CDH12: variants seen among roughly 807,000 people sequenced by gnomAD.
CDH12 encodes the protein cadherin-12.
A neutral mutation model predicts 74.1 loss-of-function variants in CDH12; 41 were observed. The observed-to-expected ratio is 0.55, with a 90% confidence interval of 0.43 to 0.72. The LOEUF (loss-of-function observed/expected upper bound fraction) is 0.72, where lower values mean the gene tolerates loss of function less well. Ranked by LOEUF, CDH12 falls within the 30% of genes least tolerant of loss-of-function variation. The pLI is 0.00. For synonymous variants in CDH12, 399 were observed against 355.0 expected, an observed-to-expected ratio of 1.12 and a Z score of -1.39; for missense variants, 945 against 977.2, an observed-to-expected ratio of 0.97 and a Z score of 0.44.
chr5:22,739,355 C>G (rs2127015325), intron 1 of CDH12, among the ~76,000 whole-genome samples: 1 of 151,758 alleles, frequency 6.6e-6, no homozygotes, highest in South Asian at 2.1e-4. Flanking sequence ...CTCTGACACT[C>G]ACAATACTAC....
chr5:21,824,142 G>A (rs1748527333), intron 8 of CDH12, among the ~76,000 whole-genome samples: 1 of 152,242 alleles, frequency 6.6e-6, no homozygotes, highest in Non-Finnish European at 1.5e-5. Flanking sequence ...ATTAGAGCCA[G>A]CAGCAGATGG....
chr5:22,381,789 G>A lies in CDH12; in HGVS notation c.-333+23468C>T, dbSNP rs144810284. Reference sequence around the variant, plus strand: ...TGAAAACTTATCCTTAAATATATCTGGTTTTCTCTACTAACAGACACCAAA... The same window carrying A: ...TGAAAACTTATCCTTAAATATATCTAGTTTTCTCTACTAACAGACACCAAA... On this transcript the variant is annotated intron_variant, in intron 3 of 14. Coordinates refer to ENST00000382254, the MANE Select transcript of CDH12 (RefSeq NM_004061.5). 2.6e-4 allele frequency among the ~76,000 whole-genome samples: 40 copies of A among 151,192 alleles called. No individual in the cohort carries two copies. The East Asian group carries it at 7.8e-3, about 29-fold the overall frequency.
intron 3 of CDH12, among the ~76,000 whole-genome samples, chr5:22,331,997 T>A (rs7712071): frequency 0.43 from 64,831 of 151,890 alleles, 13,820 homozygotes; most frequent in South Asian, 0.5. Flanking sequence ...AAAATGAAGC[T>A]TGCCTACAGG....
intron 1 of CDH12, among the ~76,000 whole-genome samples, chr5:22,737,578 AAATAT>A (rs988670967): frequency 6.6e-6 from 1 of 152,020 alleles, no homozygotes; most frequent in African/African-American, 2.4e-5. Flanking sequence ...TACTAACAAA[AAATAT>A]AATATAAATG....
At chr5:21,898,027 A>G (rs1753204747) in intron 6 of CDH12, among the ~76,000 whole-genome samples, 1 of 152,162 alleles carries the variant, frequency 6.6e-6, no homozygotes, top group South Asian at 2.1e-4. Flanking sequence ...TAAAGTCATC[A>G]TAAAATTGAC....
At chr5:22,692,594 G>A (rs1370283885) in intron 1 of CDH12, among the ~76,000 whole-genome samples, 1 of 152,106 alleles carries the variant, frequency 6.6e-6, no homozygotes, top group Non-Finnish European at 1.5e-5. Context: ...TCTTCCTTGG[G>A]CTACAAATGG....
At chr5:22,147,960 G>A (rs1451146528) in intron 4 of CDH12, among the ~76,000 whole-genome samples, 2 of 152,112 alleles carry the variant, frequency 1.3e-5, no homozygotes, top group Admixed American at 1.3e-4. Context: ...CCTCAGAGTT[G>A]GCTGATTTTT....
intron 2 of CDH12, among the ~76,000 whole-genome samples, chr5:22,499,168 C>T (rs1310998704): frequency 6.6e-6 from 1 of 151,738 alleles, no homozygotes; most frequent in Non-Finnish European, 1.5e-5. Context: ...CCTGTCTTGG[C>T]CTCCCAAAGT....
At chr5:21,777,603 A>G (rs1745664774) in intron 11 of CDH12, among the ~76,000 whole-genome samples, 1 of 151,206 alleles carries the variant, frequency 6.6e-6, no homozygotes, top group Non-Finnish European at 1.5e-5. Flanking sequence ...GCTCACTGCA[A>G]CCTCCGCCTC....
intron 6 of CDH12, among the ~76,000 whole-genome samples, chr5:21,897,921 A>G (rs1284639407): frequency 6.6e-6 from 1 of 152,174 alleles, no homozygotes; most frequent in Non-Finnish European, 1.5e-5. Context: ...ATTAAAATGT[A>G]AAGCAAATGG....
intron 11 of CDH12, among the ~76,000 whole-genome samples, chr5:21,768,480 T>C (rs1373739856): frequency 1.3e-5 from 2 of 151,926 alleles, no homozygotes; most frequent in African/African-American, 4.8e-5. Context: ...CTACTTCTCA[T>C]TATAAATGAA....
At chr5:22,766,083 A>G (rs530930699) in intron 1 of CDH12, among the ~76,000 whole-genome samples, 2 of 152,122 alleles carry the variant, frequency 1.3e-5, no homozygotes, top group South Asian at 4.1e-4. Flanking sequence ...ATACAATTTA[A>G]CATCTACCAT....
intron 1 of CDH12, among the ~76,000 whole-genome samples, chr5:22,629,996 A>T (rs1023947421): frequency 6.6e-6 from 1 of 152,082 alleles, no homozygotes; most frequent in African/African-American, 2.4e-5. Context: ...CAAGAACACA[A>T]TCGTATTTAC....
chr5:22,238,623 C>T (rs796232137), intron 3 of CDH12, among the ~76,000 whole-genome samples: 10 of 152,218 alleles, frequency 6.6e-5, no homozygotes, highest in African/African-American at 2.4e-4. Context: ...TGAGGTCAGG[C>T]AGGTAATAAA....
intron 1 of CDH12, among the ~76,000 whole-genome samples, chr5:22,835,907 C>G (rs564669309): frequency 6.6e-6 from 1 of 152,138 alleles, no homozygotes; most frequent in African/African-American, 2.4e-5. Flanking sequence ...GATTGTCCTA[C>G]TGTGTCATTT....
intron 2 of CDH12, among the ~76,000 whole-genome samples, chr5:22,457,522 C>A (rs1174646987): frequency 1.3e-5 from 2 of 151,854 alleles, no homozygotes; most frequent in African/African-American, 4.8e-5. Context: ...CAAGTTCCAG[C>A]AATTCTCCTG....
At chr5:22,699,975 G>C (rs1333813892) in intron 1 of CDH12, among the ~76,000 whole-genome samples, 3 of 152,118 alleles carry the variant, frequency 2.0e-5, no homozygotes, top group Non-Finnish European at 4.4e-5. Context: ...AGGAGTTTGA[G>C]ACCAGCCTGG....
At chr5:22,684,585 C>T (rs59231965) in intron 1 of CDH12, among the ~76,000 whole-genome samples, 6,520 of 152,224 alleles carry the variant, frequency 0.043, 472 homozygotes, top group African/African-American at 0.15. Flanking sequence ...TGGGCTGTCA[C>T]GTATTCTTAG....
chr5:21,951,717 C>T (rs930921262), intron 6 of CDH12, among the ~76,000 whole-genome samples: 1 of 152,198 alleles, frequency 6.6e-6, no homozygotes, highest in Non-Finnish European at 1.5e-5. Flanking sequence ...TCCTTTGGAG[C>T]TCATTTCCTT....
Sources: gnomAD v4.1 joint callset for allele counts (sites outside exome capture counted in the v4.1 genomes callset) on GRCh38, gnomAD v4.1.1 for gene constraint, MANE v1.5 for transcripts, NCBI Gene and HGNC (gene_info 2026-07-23, HGNC 2026-07-21) for gene names.